Variants in AKAP8L observed in about 807,000 individuals in gnomAD.
AKAP8L encodes A-kinase anchoring protein 8 like.
Under a neutral mutation model 77.5 loss-of-function variants are expected in AKAP8L, and 34 were observed. The observed-to-expected ratio is 0.44, with a 90% CI of 0.33 to 0.58. AKAP8L has a LOEUF of 0.58. AKAP8L is among the 20% of genes least tolerant of loss of function. AKAP8L has a pLI of 0.02. For missense variants in AKAP8L, 806 were observed against 887.6 expected (o/e 0.91, Z 1.17); for synonymous variants, 342 against 340.7 (o/e 1.00, Z -0.04).
In AKAP8L at chr19:15,399,577, G is replaced by A. The variant is rs1967848630; in HGVS notation, c.1049-167C>T. The A allele has an allele frequency of 6.3e-6, 4 of 636,654 alleles. No individual in the cohort carries two copies. In the East Asian group the frequency reaches 1.1e-4, roughly 18 times the overall value. The allele number at this position is 636,654 out of a possible 1,614,324, so 39.4% of individuals were successfully genotyped here. ...AGGGCTGGGTATCCTGGGCTGTGCA[G>A]GGAGTGGGTTTGGCCTAGGCCCCAA... is the stretch of plus-strand genomic sequence containing the variant. On this transcript the variant is annotated intron_variant, in intron 8 of 13. Coordinates refer to ENST00000397410, the MANE Select transcript of AKAP8L (RefSeq NM_014371.4). The surrounding 1 kb of genome is among the most constrained non-coding windows in gnomAD (Gnocchi z 6.1).
intron 12 of AKAP8L, among the ~76,000 whole-genome samples, chr19:15,390,486 C>A (rs11085951): frequency 0.8 from 120,198 of 151,082 alleles, 48,059 homozygotes; most frequent in East Asian, 0.99. Flanking sequence ...GCAAATTCTA[C>A]GAAGCACTTG....
intron 12 of AKAP8L, among the ~76,000 whole-genome samples, chr19:15,387,196 G>A (rs1467017319): frequency 6.6e-6 from 1 of 152,214 alleles, no homozygotes; most frequent in African/African-American, 2.4e-5. Context: ...ACAGCCTACT[G>A]TACCTCCTCC....
intron 12 of AKAP8L, among the ~76,000 whole-genome samples, chr19:15,388,414 T>C (rs1967585922): frequency 6.6e-6 from 1 of 152,116 alleles, no homozygotes; most frequent in South Asian, 2.1e-4. Context: ...TGAACAGATG[T>C]CAAATTCAAC....
intron 2 of AKAP8L, among the ~76,000 whole-genome samples, chr19:15,406,447 T>C (rs1425925506): frequency 2.0e-5 from 3 of 149,496 alleles, no homozygotes; most frequent in South Asian, 2.1e-4. Context: ...TATATACATA[T>C]ATATGTAAAA....
Position 15,380,135 on chromosome 19 carries a change from C to T in AKAP8L, c.1928G>A (p.Gly643Glu). The T allele has an allele frequency of 6.7e-7, 1 of 1,497,560 alleles. No homozygotes were observed. The highest frequency in any genetic ancestry group is 8.8e-7 in the Non-Finnish European group (1 of 1,132,490). The allele number at this position is 1,497,560 out of a possible 1,614,324, so 92.8% of individuals were successfully genotyped here. A position where few individuals can be genotyped will look rare whatever the true frequency, so the allele number is the denominator to read the frequency against. Residue 643 changes from glycine to glutamate, a missense_variant, in exon 14 of 14, where the codon GGG (glycine) becomes GAG (glutamate). By Grantham distance (98) the Gly-to-Glu change is moderately conservative. This residue lies in a region of AKAP8L where 226 missense variants were observed against 193.5 expected (regional missense o/e 1.17). Coordinates refer to ENST00000397410, the MANE Select transcript of AKAP8L (RefSeq NM_014371.4). The part of the protein sequence containing the change: ...LDVEDDEEGG[G>E]GAP ...CCCGAGCTCGGGTCACGGGGCGCCCCCGCCGCCCTCCTCGTCGTCCTCCAC... is the reference window on the plus strand; with the variant it reads ...CCCGAGCTCGGGTCACGGGGCGCCCTCGCCGCCCTCCTCGTCGTCCTCCAC...
At position 15,380,222 on chromosome 19, in the gene AKAP8L, C is replaced by T. The variant is rs1967370678; in HGVS notation, c.1841G>A (p.Gly614Asp). 1.3e-6 allele frequency: 2 copies of T among 1,506,494 alleles called. No homozygotes were observed. The highest frequency in any genetic ancestry group is 1.4e-5 in the African/African-American group (1 of 69,022). The allele number at this position is 1,506,494 out of a possible 1,614,324, so 93.3% of individuals were successfully genotyped here. Residue 614 changes from glycine to aspartate, a missense_variant, in exon 14 of 14, where the codon GGC becomes GAC. Gly to Asp is a moderately conservative substitution (Grantham distance 94). Transcript: ENST00000397410. ...CGCCCCTCCCAGCAAGGGCACGGCG[C>T]CCTCCTCCTCCTCCTCTGGGGGCGG... ...PPPPPEEEEE[G>D]AVPLLGGALQ...
At chr19:15,406,426 T>A (rs1968002784) in intron 2 of AKAP8L, among the ~76,000 whole-genome samples, 1 of 146,154 alleles carries the variant, frequency 6.8e-6, no homozygotes. Flanking sequence ...TATATATTTA[T>A]TATTATTAAA....
At position 15,380,160 on chromosome 19, in the gene AKAP8L, C is replaced by G. The variant is rs1396517146; in HGVS notation, c.1903G>C (p.Val635Leu). ...CCGCCGCCCTCCTCGTCGTCCTCCA[C>G]GTCGAGGCCCGGGATGCCGCGGATC... ...RQIRGIPGLD[V>L]EDDEEGGGGA... The change falls in exon 14 of 14, where the codon GTG becomes CTG. Residue 635 changes from valine (V) to leucine (L), a missense_variant. By Grantham distance (32) the Val-to-Leu change is conservative. Coordinates refer to ENST00000397410, the MANE Select transcript of AKAP8L (RefSeq NM_014371.4). 4.7e-6 allele frequency: 7 copies of G among 1,504,440 alleles called. No individual in the cohort carries two copies. The highest frequency in any genetic ancestry group is 1.2e-5 in the South Asian group (1 of 81,174). 93.2% of individuals were successfully genotyped at this position (1,504,440 alleles called of 1,614,324 possible).
At chr19:15,406,361 A>AGG (rs1171769290) in intron 2 of AKAP8L, among the ~76,000 whole-genome samples, 194 of 36,716 alleles carry the variant, frequency 5.3e-3, no homozygotes, top group African/African-American at 0.029. Context: ...AGAAATTTTA[A>AGG]GGAGAGAGAG....
intron 2 of AKAP8L, among the ~76,000 whole-genome samples, chr19:15,408,406 T>C (rs1409929739): frequency 6.6e-6 from 1 of 151,374 alleles, no homozygotes; most frequent in Non-Finnish European, 1.5e-5. Context: ...CTACTAATAA[T>C]ACAAAAATTA....
At chr19:15,408,424 G>C (rs1163782668) in intron 2 of AKAP8L, among the ~76,000 whole-genome samples, 2 of 152,000 alleles carry the variant, frequency 1.3e-5, no homozygotes, top group African/African-American at 2.4e-5. Context: ...TTAGCCAGGC[G>C]TGGTGGCACA....
At chr19:15,409,697 C>A (rs912859744) in intron 2 of AKAP8L, among the ~76,000 whole-genome samples, 1 of 152,188 alleles carries the variant, frequency 6.6e-6, no homozygotes, top group African/African-American at 2.4e-5. Context: ...AGCACACAAA[C>A]AAAACAGCAT....
chr19:15,405,309 G>A (rs1021890445), intron 2 of AKAP8L, among the ~76,000 whole-genome samples: 6 of 152,262 alleles, frequency 3.9e-5, no homozygotes, highest in African/African-American at 7.2e-5. Context: ...CGAGGCGGGC[G>A]GATCACCTGA....
chr19:15,388,996 C>A (rs1266607775), intron 12 of AKAP8L, among the ~76,000 whole-genome samples: 4 of 147,746 alleles, frequency 2.7e-5, no homozygotes. Context: ...AGGCGGATCA[C>A]AAGGTCAAGA....
Position 15,380,174 on chromosome 19 carries a change from A to C in AKAP8L, c.1889T>G (p.Ile630Ser). ...GTCGTCCTCCACGTCGAGGCCCGGGATGCCGCGGATCTGGCGTTGCAGCGC... is the reference window on the plus strand; with the variant it reads ...GTCGTCCTCCACGTCGAGGCCCGGGCTGCCGCGGATCTGGCGTTGCAGCGC... Reference protein sequence around the residue: ...GGALQRQIRGIPGLDVEDDEE... With the variant: ...GGALQRQIRGSPGLDVEDDEE... Residue 630 changes from isoleucine to serine, a missense_variant, in exon 14 of 14, where the codon ATC becomes AGC. This residue lies in a region of AKAP8L where 226 missense variants were observed against 193.5 expected (regional missense o/e 1.17). Coordinates refer to ENST00000397410, the MANE Select transcript of AKAP8L (RefSeq NM_014371.4). 6.6e-7 allele frequency: 1 copy of C among 1,505,058 alleles called. No homozygotes were observed. Among genetic ancestry groups the C allele is most frequent in the Non-Finnish European group, 8.8e-7 (1 of 1,135,578 alleles). The allele number at this position is 1,505,058 out of a possible 1,614,324, so 93.2% of individuals were successfully genotyped here.
At chr19:15,387,476 T>TA (rs1203714479) in intron 12 of AKAP8L, among the ~76,000 whole-genome samples, 1 of 151,912 alleles carries the variant, frequency 6.6e-6, no homozygotes, top group Non-Finnish European at 1.5e-5. Flanking sequence ...TTATTGGAGT[T>TA]AAACACTGAT....
At chr19:15,409,000 T>C (rs984303146) in intron 2 of AKAP8L, among the ~76,000 whole-genome samples, 1 of 152,146 alleles carries the variant, frequency 6.6e-6, no homozygotes, top group Non-Finnish European at 1.5e-5. Flanking sequence ...CTGCACACCT[T>C]GTAGAAAAAT....
At position 15,418,812 on chromosome 19, in the gene AKAP8L, G is replaced by A. The variant is rs2145159867; in HGVS notation, c.13+99C>T. On this transcript the variant is annotated intron_variant, in intron 1 of 13. Coordinates refer to ENST00000397410, the MANE Select transcript of AKAP8L (RefSeq NM_014371.4). The stretch of plus-strand genomic sequence containing the variant: ...ATTTTGTGACCGCAGGGAAGGCAGT[G>A]ACGGGGCCCCAGGGGAGGTGCGGGC... 4 of 1,262,474 alleles carry A rather than the reference G, an allele frequency of 3.2e-6. No individual in the cohort carries two copies. In the Admixed American group the frequency reaches 5.9e-5, roughly 19 times the overall value. The allele number at this position is 1,262,474 out of a possible 1,614,324, so 78.2% of individuals were successfully genotyped here. A position where few individuals can be genotyped will look rare whatever the true frequency, so the allele number is the denominator to read the frequency against.
In AKAP8L at chr19:15,399,050, G is replaced by T; in HGVS notation, c.1157+252C>A. The T allele has an allele frequency of 1.9e-6, 1 of 523,812 alleles. No homozygotes were observed. Among genetic ancestry groups the T allele is most frequent in the Non-Finnish European group, 3.4e-6 (1 of 291,304 alleles). 32.4% of individuals were successfully genotyped at this position (523,812 alleles called of 1,614,324 possible). On this transcript the variant is annotated intron_variant, in intron 9 of 13. Coordinates refer to ENST00000397410, the MANE Select transcript of AKAP8L (RefSeq NM_014371.4). The surrounding 1 kb of genome is among the most constrained non-coding windows in gnomAD (Gnocchi z 6.1). ...CGAGTGACCTAGCGCCAGAGCTTCT[G>T]AGCAACGGTGCCGAGCGGTGTCAGG...
Sources: allele counts gnomAD v4.1 joint callset (sites outside exome capture counted in the v4.1 genomes callset), GRCh38; gene constraint gnomAD v4.1.1; regional missense constraint gnomAD v4.1.1; non-coding constraint Gnocchi (gnomAD v3.1); transcripts MANE v1.5; gene names NCBI Gene and HGNC (gene_info 2026-07-23, HGNC 2026-07-21).